Variants in MTHFD1L observed in about 807,000 individuals in gnomAD.
MTHFD1L encodes methylenetetrahydrofolate dehydrogenase (NADP+ dependent) 1 like, also known as monofunctional C1-tetrahydrofolate synthase, mitochondrial.
MTHFD1L carries 81 observed loss-of-function variants against 119.5 expected under a neutral mutation model. The observed-to-expected ratio is 0.68, with a 90% confidence interval of 0.57 to 0.82. The LOEUF is 0.82. MTHFD1L is among the 40% of genes least tolerant of loss of function. The pLI, the probability that MTHFD1L is intolerant of heterozygous loss-of-function variation, is 0.00. For synonymous variants in MTHFD1L, 430 were observed against 475.2 expected (o/e 0.90, Z 1.24); for missense variants, 1,125 against 1,253.4 (o/e 0.90, Z 1.55).
At chr6:151,055,987 G>A (rs1290219631) in intron 26 of MTHFD1L, 2 of 152,104 alleles carry the variant, frequency 1.3e-5, no homozygotes, top group African/African-American at 2.4e-5. Flanking sequence ...TAAATTTTAG[G>A]ATAAATTTTC....
At chr6:151,021,625 G>A (rs1229895161) in intron 24 of MTHFD1L, among the ~76,000 whole-genome samples, 1 of 152,172 alleles carries the variant, frequency 6.6e-6, no homozygotes, top group Non-Finnish European at 1.5e-5. Flanking sequence ...AAGAGAGTGG[G>A]CCTCCTGAAT....
intron 26 of MTHFD1L, among the ~76,000 whole-genome samples, chr6:151,065,297 C>T (rs1014922217): frequency 6.6e-6 from 1 of 152,204 alleles, no homozygotes; most frequent in South Asian, 2.1e-4. Flanking sequence ...CTAGCAGGGA[C>T]TCACGCCATC....
intron 13 of MTHFD1L, chr6:150,939,079 A>C: frequency 8.1e-6 from 2 of 246,202 alleles, no homozygotes; most frequent in Non-Finnish European, 1.6e-5. Context: ...GCCTTCCTAA[A>C]CTTCAAAAAA....
intron 4 of MTHFD1L, among the ~76,000 whole-genome samples, chr6:150,881,247 T>G (rs1260053120): frequency 1.3e-5 from 2 of 152,180 alleles, no homozygotes; most frequent in African/African-American, 2.4e-5. Context: ...TTTAATTCCT[T>G]TTGAGTTGAT....
chr6:151,097,223 G>A (rs374396255), intron 27 of MTHFD1L, among the ~76,000 whole-genome samples: 3 of 152,274 alleles, frequency 2.0e-5, no homozygotes, highest in African/African-American at 4.8e-5. Flanking sequence ...GCAAAGTTAC[G>A]TTGAGTACGG....
intron 20 of MTHFD1L, among the ~76,000 whole-genome samples, chr6:150,986,169 A>C (rs1778278810): frequency 6.6e-6 from 1 of 152,216 alleles, no homozygotes; most frequent in African/African-American, 2.4e-5. Flanking sequence ...AGTTTTACAC[A>C]GTGAATTTGA....
At chr6:151,100,022 T>C in intron 27 of MTHFD1L, 2 of 690,570 alleles carry the variant, frequency 2.9e-6, no homozygotes, top group South Asian at 1.9e-5. Context: ...AAAGAAATAT[T>C]TTCTTTCTTT....
At position 150,940,375 on chromosome 6, in the gene MTHFD1L, A is replaced by G. The variant is rs561161036; in HGVS notation, c.1440+1630A>G. On this transcript the variant is annotated intron_variant, in intron 13 of 27. Coordinates refer to ENST00000367321, the MANE Select transcript of MTHFD1L (RefSeq NM_015440.5). ...GTAGTCCAAGGCACTGCTGAAAAAA[A>G]TCGTCCCAGGCCTCAGGTCAGAATG... Among the ~76,000 whole-genome samples, 637 of 152,252 alleles carry G rather than the reference A, an allele frequency of 4.2e-3. 2 individuals are homozygous for G. Among genetic ancestry groups the G allele is most frequent in the African/African-American group, 0.015 (610 of 41,546 alleles).
At position 151,039,948 on chromosome 6, in the gene MTHFD1L, GCATA is replaced by G. The variant is rs1297736694; in HGVS notation, c.2847+2835_2847+2838del. On this transcript the variant is annotated intron_variant, in intron 26 of 27. Transcript: ENST00000367321. This position sits in a 1 kb window ranked among gnomAD's most constrained non-coding sequence, Gnocchi z 4.4. Reference sequence around the variant, plus strand: ...TACATACATACATACATACATACATGCATACATGCATACATGCATACATAGAATG... The same window carrying G: ...TACATACATACATACATACATACATGCATGCATACATGCATACATAGAATG... 2.2e-5 allele frequency among the ~76,000 whole-genome samples: 3 copies of G among 134,810 alleles called. No individual in the cohort carries two copies. Among genetic ancestry groups the G allele is most frequent in the Admixed American group, 8.0e-5 (1 of 12,430 alleles). 88.4% of individuals were successfully genotyped at this position (134,810 alleles called of 152,430 possible). A position where few individuals can be genotyped will look rare whatever the true frequency, so the allele number is the denominator to read the frequency against.
chr6:150,951,014 T>C (rs145858800), intron 16 of MTHFD1L, among the ~76,000 whole-genome samples: 15 of 149,670 alleles, frequency 1.0e-4, no homozygotes, highest in African/African-American at 3.4e-4. Flanking sequence ...TAAACTAAAA[T>C]CTCCTTGGAA....
chr6:150,946,160 G>GT (rs1562431520), intron 15 of MTHFD1L, among the ~76,000 whole-genome samples: 2 of 152,010 alleles, frequency 1.3e-5, no homozygotes, highest in Non-Finnish European at 2.9e-5. Flanking sequence ...GTTTTGTTTT[G>GT]TTTTTTGAGA....
At position 151,094,350 on chromosome 6, in the gene MTHFD1L, A is replaced by T. The variant is rs139797266; in HGVS notation, c.*31+1763A>T. ...TCATTTGTTTCACTACCAGGAGTCC[A>T]CTTGAGGACTTGTTGTTGTTGTTGT... On this transcript the variant is annotated intron_variant, in intron 27 of 27. Coordinates refer to ENST00000367321, the MANE Select transcript of MTHFD1L (RefSeq NM_015440.5). 2.8e-3 allele frequency among the ~76,000 whole-genome samples: 432 copies of T among 152,244 alleles called. 2 individuals carry two copies. The highest frequency in any genetic ancestry group is 4.1e-3 in the Non-Finnish European group (277 of 68,022).
At chr6:150,997,331 G>A (rs1401252577) in intron 20 of MTHFD1L, among the ~76,000 whole-genome samples, 1 of 152,124 alleles carries the variant, frequency 6.6e-6, no homozygotes, top group Non-Finnish European at 1.5e-5. Context: ...CGTTCAAACT[G>A]AACAGAGCTT....
chr6:151,012,228 G>A (rs1782386973), intron 21 of MTHFD1L, among the ~76,000 whole-genome samples: 1 of 151,454 alleles, frequency 6.6e-6, no homozygotes, highest in Non-Finnish European at 1.5e-5. Flanking sequence ...GTCTGGCATG[G>A]TCTATATGCA....
rs76703418 is a variant in MTHFD1L, at chr6:151,000,805, C to A, written c.2126-9014C>A. 2.6e-5 allele frequency among the ~76,000 whole-genome samples: 4 copies of A among 152,284 alleles called. No homozygotes were observed. The South Asian group carries it at 8.3e-4, about 32-fold the overall frequency. On this transcript the variant is annotated intron_variant, in intron 20 of 27. Transcript: ENST00000367321. ...GTTTATATAGGGCAGAAAAAGGCAG[C>A]CTGAAGATTCTACTTTCTATTTCTT...
At chr6:150,875,865 C>T (rs1178726339) in intron 1 of MTHFD1L, among the ~76,000 whole-genome samples, 1 of 152,080 alleles carries the variant, frequency 6.6e-6, no homozygotes, top group East Asian at 1.9e-4. Flanking sequence ...TAGTTTGTTT[C>T]CCTCTGCATA....
At chr6:150,908,741 A>C (rs1239578584) in intron 8 of MTHFD1L, among the ~76,000 whole-genome samples, 2 of 152,140 alleles carry the variant, frequency 1.3e-5, no homozygotes, top group African/African-American at 4.8e-5. Context: ...TGCTACCCAT[A>C]ATAGCACATT....
intron 26 of MTHFD1L, among the ~76,000 whole-genome samples, chr6:151,069,255 C>T (rs1268956786): frequency 6.7e-6 from 1 of 148,634 alleles, no homozygotes. Flanking sequence ...CTCTCTTTCT[C>T]TCTCTCTCTC....
At chr6:150,910,116 G>A (rs574566599) in intron 8 of MTHFD1L, among the ~76,000 whole-genome samples, 9 of 151,902 alleles carry the variant, frequency 5.9e-5, no homozygotes, top group Non-Finnish European at 1.2e-4. Flanking sequence ...AAGAGGCAGA[G>A]GTTGCAGTGA....
Sources: gnomAD v4.1 joint callset for allele counts (sites outside exome capture counted in the v4.1 genomes callset) on GRCh38, gnomAD v4.1.1 for gene constraint, Gnocchi (gnomAD v3.1) non-coding constraint, MANE v1.5 for transcripts, NCBI Gene and HGNC (gene_info 2026-07-23, HGNC 2026-07-21) for gene names.